Variants in ZFHX3 observed in about 807,000 individuals in gnomAD.
The protein encoded by ZFHX3 is zinc finger homeobox protein 3.
ZFHX3 carries 42 observed loss-of-function variants against 279.1 expected under a neutral mutation model. The observed-to-expected ratio is 0.15, with a 90% CI of 0.12 to 0.19. ZFHX3 has a LOEUF of 0.19. Among genes scored for constraint, ZFHX3 ranks in the 10% least tolerant of loss-of-function variants. The pLI is 1.00. For missense variants in ZFHX3, 4,981 were observed against 4,754.0 expected (o/e 1.05, Z -1.40); for synonymous variants, 2,293 against 1,957.8 (o/e 1.17, Z -4.52).
intron 4 of ZFHX3, among the ~76,000 whole-genome samples, chr16:73,271,499 G>A (rs899772698): frequency 6.6e-6 from 1 of 152,146 alleles, no homozygotes; most frequent in African/African-American, 2.4e-5. Context: ...CTGCAGCCCC[G>A]CTTCTGAGTC....
At chr16:73,229,361 G>C (rs1456084673) in intron 5 of ZFHX3, among the ~76,000 whole-genome samples, 2 of 152,176 alleles carry the variant, frequency 1.3e-5, no homozygotes, top group East Asian at 1.9e-4. Context: ...ATTTGGTCCA[G>C]ACTTGAATAT....
intron 3 of ZFHX3, among the ~76,000 whole-genome samples, chr16:73,407,618 C>T (rs2017387265): frequency 6.6e-6 from 1 of 152,134 alleles, no homozygotes; most frequent in Admixed American, 6.5e-5. Flanking sequence ...CTCCCACCTC[C>T]TAGGCTGGTG....
intron 1 of ZFHX3, among the ~76,000 whole-genome samples, chr16:72,967,284 C>T (rs957575906): frequency 3.9e-5 from 6 of 152,054 alleles, no homozygotes; most frequent in African/African-American, 1.4e-4. Context: ...AAGATGAGCT[C>T]GGAGCATCTA....
At chr16:73,711,463 A>G (rs934233644) in intron 1 of ZFHX3, among the ~76,000 whole-genome samples, 1 of 152,340 alleles carries the variant, frequency 6.6e-6, no homozygotes, top group South Asian at 2.1e-4. Flanking sequence ...TTATAAATGC[A>G]AATCTCTGAA....
At chr16:72,894,427 G>C (rs1037817709) in intron 3 of ZFHX3, among the ~76,000 whole-genome samples, 5 of 152,068 alleles carry the variant, frequency 3.3e-5, no homozygotes, top group African/African-American at 1.2e-4. Flanking sequence ...CTCAACCCGC[G>C]ACCCTGTTGG....
chr16:73,166,507 A>G (rs2144861437), intron 5 of ZFHX3, among the ~76,000 whole-genome samples: 1 of 152,204 alleles, frequency 6.6e-6, no homozygotes, highest in East Asian at 1.9e-4. Flanking sequence ...AGAGCAGTCA[A>G]CTCAGCTCAA....
At chr16:73,247,756 A>T (rs1353752339) in intron 5 of ZFHX3, among the ~76,000 whole-genome samples, 1 of 149,764 alleles carries the variant, frequency 6.7e-6, no homozygotes, top group Non-Finnish European at 1.5e-5. Flanking sequence ...GGAGTGTATG[A>T]GTGTGTATAT....
chr16:73,795,708 A>T (rs1476218491), intron 1 of ZFHX3, among the ~76,000 whole-genome samples: 1 of 152,162 alleles, frequency 6.6e-6, no homozygotes, highest in African/African-American at 2.4e-5. Flanking sequence ...TTTGACATTG[A>T]TCATCAATCC....
chr16:73,170,230 T>TTTTTTTTTTTTG (rs1967489805), intron 5 of ZFHX3, among the ~76,000 whole-genome samples: 1 of 132,714 alleles, frequency 7.5e-6, no homozygotes, highest in Non-Finnish European at 1.6e-5. Flanking sequence ...CTAGTTTTTT[T>TTTTTTTTTTTTG]TTTTTTTTTT....
In ZFHX3 at chr16:72,933,670, TAC is replaced by T. The variant is rs1166343680; in HGVS notation, c.3216+16797_3216+16798del. ...CTACTCCAGCATGCACAGCCTCAAC[TAC>T]AGTTTTCTTTTTGTTTATGGGTTTT... On this transcript the variant is annotated intron_variant, in intron 3 of 9. Transcript: ENST00000268489. 2.6e-5 allele frequency among the ~76,000 whole-genome samples: 4 copies of T among 152,238 alleles called. No individual in the cohort carries two copies. In the South Asian group the frequency reaches 6.2e-4, roughly 24 times the overall value.
chr16:73,129,379 GACACACACACACAC>G (rs59666622), intron 7 of ZFHX3, among the ~76,000 whole-genome samples: 1 of 137,820 alleles, frequency 7.3e-6, no homozygotes, highest in East Asian at 2.2e-4. Context: ...CAGAGACTCT[GACACACACACACAC>G]ACACACACAC....
intron 4 of ZFHX3, among the ~76,000 whole-genome samples, chr16:73,308,585 G>A (rs1476067850): frequency 6.6e-6 from 1 of 152,016 alleles, no homozygotes; most frequent in Non-Finnish European, 1.5e-5. Context: ...GAGATTACAG[G>A]TGTGAGCCAC....
At chr16:73,441,679 AC>A (rs1423204889) in intron 3 of ZFHX3, among the ~76,000 whole-genome samples, 1 of 152,020 alleles carries the variant, frequency 6.6e-6, no homozygotes, top group Admixed American at 6.6e-5. Flanking sequence ...ATCGCCAACC[AC>A]CCTGAGCTGG....
intron 3 of ZFHX3, among the ~76,000 whole-genome samples, chr16:72,903,396 C>T (rs970099897): frequency 2.0e-5 from 3 of 152,120 alleles, no homozygotes; most frequent in Non-Finnish European, 2.9e-5. Flanking sequence ...GCCCTCTAGG[C>T]GATTCTGAGG....
At chr16:73,338,273 T>C (rs1047163110) in intron 3 of ZFHX3, among the ~76,000 whole-genome samples, 2 of 152,130 alleles carry the variant, frequency 1.3e-5, no homozygotes, top group African/African-American at 4.8e-5. Context: ...ACCCACTGTC[T>C]CCCCTGTCTC....
chr16:73,807,849 A>G (rs993889831), intron 1 of ZFHX3, among the ~76,000 whole-genome samples: 1 of 151,816 alleles, frequency 6.6e-6, no homozygotes, highest in Non-Finnish European at 1.5e-5. Context: ...TTTTTCCAAC[A>G]TACATTTTGG....
intron 1 of ZFHX3, among the ~76,000 whole-genome samples, chr16:73,757,011 A>G (rs1026341842): frequency 6.6e-6 from 1 of 152,138 alleles, no homozygotes. Context: ...AATGCATGGG[A>G]CAGGTGTTAC....
intron 2 of ZFHX3, among the ~76,000 whole-genome samples, chr16:73,458,757 A>G (rs2018421946): frequency 6.6e-6 from 1 of 152,192 alleles, no homozygotes; most frequent in South Asian, 2.1e-4. Context: ...TTTCCTTTTT[A>G]GTAAAAACAT....
At chr16:73,682,840 GAAAA>G (rs1280204917) in intron 1 of ZFHX3, among the ~76,000 whole-genome samples, 1 of 132,992 alleles carries the variant, frequency 7.5e-6, no homozygotes, top group African/African-American at 3.0e-5. Context: ...GAGAGAGAGA[GAAAA>G]AAAGAAAGAG....
Sources: allele counts gnomAD v4.1 joint callset (sites outside exome capture counted in the v4.1 genomes callset), GRCh38; gene constraint gnomAD v4.1.1; transcripts MANE v1.5; gene names NCBI Gene and HGNC (gene_info 2026-07-23, HGNC 2026-07-21).